TMEM164: variants seen among roughly 807,000 people sequenced by gnomAD.
TMEM164 encodes the protein transmembrane protein 164, also known as RP13-360B22.2.
In TMEM164, 4 loss-of-function variants were observed where a neutral mutation model predicts 18.8. That is an observed-to-expected ratio of 0.21 (90% CI 0.10 to 0.49). The LOEUF is 0.49. TMEM164 is among the 20% of genes least tolerant of loss of function. The probability of loss-of-function intolerance (pLI) is 0.98; values close to 1 mark genes in which losing one functional copy is unlikely to be tolerated. For synonymous variants in TMEM164, 86 were observed against 101.7 expected (o/e 0.85, Z 0.93); for missense variants, 108 against 239.9 (o/e 0.45, Z 3.63).
intron 5 of TMEM164, among the ~76,000 whole-genome samples, chrX:110,154,194 CA>C: frequency 9.0e-6 from 1 of 111,608 alleles, no homozygotes; most frequent in Admixed American, 9.5e-5. Flanking sequence ...GCAGATATCT[CA>C]AAAAATCATT....
intron 1 of TMEM164, 29 bp downstream of exon 1, chrX:110,003,207 T>TGCCATCCCCGTCGCCCTCCCC: frequency 2.7e-5 from 3 of 113,049 alleles, no homozygotes; most frequent in Non-Finnish European, 3.7e-5. Context: ...CCGGCGTCCC[T>TGCCATCCCCGTCGCCCTCCCC]GCCATCCCCG....
At position 110,175,650 on chromosome X, in the gene TMEM164, T is replaced by C. The variant is rs2067281394; in HGVS notation, c.*2199T>C. The C allele has an allele frequency of 7.9e-6, 5 of 634,792 alleles. No individual in the cohort carries two copies. Among genetic ancestry groups the C allele is most frequent in the Non-Finnish European group, 9.4e-6 (5 of 530,174 alleles). 52.3% of individuals were successfully genotyped at this position (634,792 alleles called of 1,213,427 possible). A position where few individuals can be genotyped will look rare whatever the true frequency, so the allele number is the denominator to read the frequency against. On this transcript the variant is annotated 3_prime_UTR_variant, in exon 7 of 7. Transcript: ENST00000372068. ...CTGGCATGGCCAAGCCAGAGACAGA[T>C]CCACCTGTCAGAGGAAGGAAGAAGT... is the stretch of plus-strand genomic sequence containing the variant.
intron 2 of TMEM164, among the ~76,000 whole-genome samples, chrX:110,035,756 C>T (rs62597717): frequency 0.42 from 45,104 of 108,309 alleles, 8,780 homozygotes; most frequent in Non-Finnish European, 0.6. Context: ...CCGCCCACTT[C>T]GGCCTCCCAA....
chrX:110,158,052 A>C (rs1039786498), intron 5 of TMEM164, among the ~76,000 whole-genome samples: 1 of 107,924 alleles, frequency 9.3e-6, no homozygotes, highest in Non-Finnish European at 1.9e-5. Flanking sequence ...ATGCTTGGCT[A>C]ATTTTTATAT....
intron 2 of TMEM164, among the ~76,000 whole-genome samples, chrX:110,027,974 G>A (rs1602496251): frequency 1.8e-5 from 2 of 111,256 alleles, no homozygotes; most frequent in East Asian, 5.6e-4. Context: ...TTAAAGGTTT[G>A]TTAGAACTTG....
chrX:110,015,585 G>A (rs1409537642), intron 2 of TMEM164, among the ~76,000 whole-genome samples: 3 of 110,105 alleles, frequency 2.7e-5, no homozygotes, highest in Admixed American at 9.7e-5. Context: ...GTGTGTGCGC[G>A]CCTGTCACTT....
intron 2 of TMEM164, among the ~76,000 whole-genome samples, chrX:110,014,933 A>G (rs1232540274): frequency 7.3e-5 from 8 of 110,297 alleles, no homozygotes; most frequent in Admixed American, 2.9e-4. Context: ...AGCACAGTAT[A>G]GTGGAAACTG....
intron 3 of TMEM164, among the ~76,000 whole-genome samples, chrX:110,099,784 C>A (rs2066081416): frequency 8.9e-6 from 1 of 112,071 alleles, no homozygotes; most frequent in South Asian, 3.7e-4. Context: ...CTCTATAGAT[C>A]GTTTTGGTGA....
chrX:110,056,172 C>T (rs749650085), intron 2 of TMEM164, among the ~76,000 whole-genome samples: 3 of 109,001 alleles, frequency 2.8e-5, no homozygotes, highest in Non-Finnish European at 5.7e-5. Flanking sequence ...TAGCTCACCC[C>T]CCTCCCTACC....
At chrX:110,095,577 C>T (rs1016271917) in intron 3 of TMEM164, among the ~76,000 whole-genome samples, 7 of 111,655 alleles carry the variant, frequency 6.3e-5, no homozygotes, top group Admixed American at 9.5e-5. Context: ...GTTAGCCATT[C>T]GTCTAATCTT....
intron 3 of TMEM164, among the ~76,000 whole-genome samples, chrX:110,084,383 T>C (rs2065809674): frequency 3.5e-5 from 1 of 28,817 alleles, no homozygotes; most frequent in African/African-American, 4.2e-4. Flanking sequence ...ATATAGTGTA[T>C]ATATATATAG....
chrX:110,143,775 G>A (rs760436855), intron 4 of TMEM164, among the ~76,000 whole-genome samples: 8 of 109,964 alleles, frequency 7.3e-5, no homozygotes, highest in African/African-American at 2.7e-4. Flanking sequence ...TTTCCCCTGG[G>A]TGCCTTTGTC....
At chrX:110,017,444 T>TTCTTTCTTTCTTTCTTTCTTTCTTTCTC (rs1182465665) in intron 2 of TMEM164, among the ~76,000 whole-genome samples, 2 of 43,026 alleles carry the variant, frequency 4.6e-5, no homozygotes, top group African/African-American at 8.4e-5. Context: ...CTTTCTTTCT[T>TTCTTTCTTTCTTTCTTTCTTTCTTTCTC]TCTCTCTCTC....
chrX:110,101,300 A>G (rs1602625300), intron 3 of TMEM164, among the ~76,000 whole-genome samples: 1 of 111,857 alleles, frequency 8.9e-6, no homozygotes, highest in Admixed American at 9.6e-5. Flanking sequence ...TATGAATTCA[A>G]TTTATTTAAT....
chrX:110,134,401 C>T (rs894701192), intron 4 of TMEM164, among the ~76,000 whole-genome samples: 1 of 109,741 alleles, frequency 9.1e-6, no homozygotes, highest in African/African-American at 3.3e-5. Flanking sequence ...AATACACACA[C>T]ACACACAAAA....
chrX:110,132,511 G>C (rs1007536779), intron 4 of TMEM164, among the ~76,000 whole-genome samples: 6 of 111,458 alleles, frequency 5.4e-5, no homozygotes, highest in African/African-American at 2.0e-4. Flanking sequence ...TGTAGCTATG[G>C]ATATATAGAT....
chrX:110,021,086 T>G (rs762781922), intron 2 of TMEM164, among the ~76,000 whole-genome samples: 1 of 110,275 alleles, frequency 9.1e-6, no homozygotes, highest in African/African-American at 3.3e-5. Flanking sequence ...TCCTGAGTGA[T>G]TAGGGAAAGA....
intron 3 of TMEM164, among the ~76,000 whole-genome samples, chrX:110,072,233 G>A (rs1046833917): frequency 3.8e-5 from 4 of 104,963 alleles, no homozygotes; most frequent in African/African-American, 1.4e-4. Context: ...CTTGGGAGGC[G>A]GAGGTTGCAG....
intron 3 of TMEM164, 137 bp downstream of exon 3, chrX:110,067,533 C>A: frequency 1.9e-6 from 1 of 536,925 alleles, no homozygotes; most frequent in South Asian, 3.4e-5. Flanking sequence ...GGATGAAGGT[C>A]TGTGAGGGCC....
Sources: allele counts gnomAD v4.1 joint callset (sites outside exome capture counted in the v4.1 genomes callset), GRCh38; gene constraint gnomAD v4.1.1; transcripts MANE v1.5; gene names NCBI Gene and HGNC (gene_info 2026-07-23, HGNC 2026-07-21).